Variants in HCN1 observed in about 807,000 individuals in gnomAD.
HCN1 encodes the protein potassium/sodium hyperpolarization-activated cyclic nucleotide-gated channel 1.
Under a neutral mutation model 78.9 loss-of-function variants are expected in HCN1, and 13 were observed. The observed-to-expected ratio is 0.16, with a 90% CI of 0.11 to 0.26. The LOEUF (loss-of-function observed/expected upper bound fraction) is 0.26, where lower values mean the gene tolerates loss of function less well. HCN1 is among the 10% of genes least tolerant of loss of function. HCN1 has a pLI of 1.00. For synonymous variants in HCN1, 552 were observed against 455.5 expected (o/e 1.21, Z -2.70); for missense variants, 810 against 1,154.3 (o/e 0.70, Z 4.32).
At chr5:45,329,492 A>G (rs1188251600) in intron 5 of HCN1, among the ~76,000 whole-genome samples, 1 of 151,556 alleles carries the variant, frequency 6.6e-6, no homozygotes, top group East Asian at 1.9e-4. Flanking sequence ...CTCTCTTATT[A>G]CAATAATACA....
chr5:45,503,698 G>A (rs1392726612), intron 2 of HCN1, among the ~76,000 whole-genome samples: 2 of 151,944 alleles, frequency 1.3e-5, no homozygotes, highest in Non-Finnish European at 2.9e-5. Flanking sequence ...ATATGGGGCG[G>A]TGAGTTTTTA....
intron 2 of HCN1, among the ~76,000 whole-genome samples, chr5:45,601,044 T>C (rs115361831): frequency 1.7e-3 from 262 of 152,208 alleles, no homozygotes; most frequent in African/African-American, 5.7e-3. Context: ...AATATATATT[T>C]TTTTTCCTAT....
intron 2 of HCN1, among the ~76,000 whole-genome samples, chr5:45,463,969 C>T (rs913135033): frequency 2.6e-4 from 39 of 152,070 alleles, no homozygotes; most frequent in African/African-American, 9.4e-4. Context: ...ATTACAAAAT[C>T]TACAAATTAT....
intron 2 of HCN1, among the ~76,000 whole-genome samples, chr5:45,470,729 AC>A (rs1741373923): frequency 6.6e-6 from 1 of 151,970 alleles, no homozygotes; most frequent in Non-Finnish European, 1.5e-5. Context: ...TATCACTGAA[AC>A]CACCTATTAA....
chr5:45,504,927 G>A (rs1307227005), intron 2 of HCN1, among the ~76,000 whole-genome samples: 20 of 152,140 alleles, frequency 1.3e-4, no homozygotes, highest in East Asian at 3.9e-4. Flanking sequence ...CATATCCTTC[G>A]CCCACTTTTT....
At chr5:45,487,893 C>T (rs537822124) in intron 2 of HCN1, among the ~76,000 whole-genome samples, 9 of 151,994 alleles carry the variant, frequency 5.9e-5, no homozygotes, top group South Asian at 2.1e-4. Context: ...AGAAGGGTTT[C>T]GATCTAAAAA....
chr5:45,450,743 G>T (rs566721530), intron 3 of HCN1, among the ~76,000 whole-genome samples: 2 of 152,220 alleles, frequency 1.3e-5, no homozygotes, highest in African/African-American at 2.4e-5. Flanking sequence ...TCCTGGACAA[G>T]AAATAAAAGA....
chr5:45,465,424 G>T (rs1292917712), intron 2 of HCN1, among the ~76,000 whole-genome samples: 1 of 152,036 alleles, frequency 6.6e-6, no homozygotes, highest in Non-Finnish European at 1.5e-5. Flanking sequence ...TTACTTTCAA[G>T]TGGTATTTAC....
intron 2 of HCN1, among the ~76,000 whole-genome samples, chr5:45,489,424 T>A (rs1741835198): frequency 6.6e-6 from 1 of 152,124 alleles, no homozygotes; most frequent in South Asian, 2.1e-4. Flanking sequence ...TGTATTTAAA[T>A]CAATTCCAGA....
chr5:45,674,340 C>A (rs2112079686), intron 1 of HCN1, among the ~76,000 whole-genome samples: 1 of 151,572 alleles, frequency 6.6e-6, no homozygotes, highest in Non-Finnish European at 1.5e-5. Flanking sequence ...AGGCAGCTAT[C>A]AAAATCACTA....
chr5:45,434,842 A>G (rs73101222), intron 3 of HCN1, among the ~76,000 whole-genome samples: 84 of 152,280 alleles, frequency 5.5e-4, no homozygotes, highest in African/African-American at 1.8e-3. Flanking sequence ...GAATAATCAA[A>G]GTGAAGTTCT....
chr5:45,540,612 G>A (rs1035775788), intron 2 of HCN1, among the ~76,000 whole-genome samples: 1 of 152,094 alleles, frequency 6.6e-6, no homozygotes, highest in East Asian at 1.9e-4. Context: ...TTATAGGCAG[G>A]AGCCACCATG....
chr5:45,603,996 T>C (rs1248905673), intron 2 of HCN1, among the ~76,000 whole-genome samples: 1 of 152,092 alleles, frequency 6.6e-6, no homozygotes, highest in Admixed American at 6.6e-5. Context: ...CATGAGTAGA[T>C]AATATAACAC....
intron 2 of HCN1, among the ~76,000 whole-genome samples, chr5:45,469,653 A>AAT (rs1741347173): frequency 6.6e-6 from 1 of 151,948 alleles, no homozygotes; most frequent in Non-Finnish European, 1.5e-5. Context: ...TTATTTTCTG[A>AAT]AGTTTTTTTC....
intron 2 of HCN1, among the ~76,000 whole-genome samples, chr5:45,556,916 T>G (rs1486140678): frequency 6.6e-6 from 1 of 152,022 alleles, no homozygotes. Flanking sequence ...TATTGACACC[T>G]GAAATATCAC....
At chr5:45,328,313 T>C (rs1163104564) in intron 5 of HCN1, among the ~76,000 whole-genome samples, 1 of 151,646 alleles carries the variant, frequency 6.6e-6, no homozygotes, top group Non-Finnish European at 1.5e-5. Flanking sequence ...CAGAAGATCT[T>C]AGCAATCTCA....
chr5:45,547,677 A>G (rs1055814787), intron 2 of HCN1, among the ~76,000 whole-genome samples: 2 of 151,904 alleles, frequency 1.3e-5, no homozygotes, highest in Non-Finnish European at 2.9e-5. Context: ...TTGTACTGCA[A>G]TTTTTTAGGT....
At chr5:45,465,885 A>G (rs142619353) in intron 2 of HCN1, among the ~76,000 whole-genome samples, 118 of 152,326 alleles carry the variant, frequency 7.7e-4, no homozygotes, top group Middle Eastern at 3.4e-3. Flanking sequence ...TGTGACCTTA[A>G]TAAGAAGAAA....
Position 45,263,896 on chromosome 5 carries a change from C to T in HCN1, c.1784-1086G>A, listed in dbSNP as rs59965579. The stretch of plus-strand genomic sequence containing the variant: ...GCAAGCTCTGCCTCCCGGGTTCATG[C>T]CATTCTCCTGCCTTAGCCTCCTGAG... On this transcript the variant is annotated intron_variant, in intron 7 of 7. Transcript: ENST00000303230. Among the ~76,000 whole-genome samples, 796 of 152,244 alleles carry T rather than the reference C, an allele frequency of 5.2e-3. 11 individuals are homozygous for T. Among genetic ancestry groups the T allele is most frequent in the African/African-American group, 0.019 (785 of 41,546 alleles).
Sources: allele counts gnomAD v4.1 joint callset (sites outside exome capture counted in the v4.1 genomes callset), GRCh38; gene constraint gnomAD v4.1.1; transcripts MANE v1.5; gene names NCBI Gene and HGNC (gene_info 2026-07-23, HGNC 2026-07-21).